Variants in AFF1 observed in about 807,000 individuals in gnomAD.
AFF1 encodes the protein ALF transcription elongation factor 1, also known as AF4/FMR2 family member 1.
AFF1 carries 48 observed loss-of-function variants against 121.7 expected under a neutral mutation model. The ratio of observed to expected loss-of-function variants is 0.39; its 90% confidence interval spans 0.31 to 0.50. The LOEUF is 0.50. Ranked by LOEUF, AFF1 falls within the 20% of genes least tolerant of loss-of-function variation. AFF1 has a pLI of 0.76. For missense variants in AFF1, 1,523 were observed against 1,511.7 expected, an observed-to-expected ratio of 1.01 and a Z score of -0.12; for synonymous variants, 613 against 563.0, an observed-to-expected ratio of 1.09 and a Z score of -1.26.
intron 2 of AFF1, among the ~76,000 whole-genome samples, chr4:87,042,635 G>A (rs1403396127): frequency 6.6e-6 from 1 of 152,182 alleles, no homozygotes; most frequent in Non-Finnish European, 1.5e-5. Context: ...AATTTGTCTC[G>A]AAATAGGTGT....
chr4:87,048,092 AAAC>A (rs1348339413), intron 4 of AFF1: 1 of 159,650 alleles, frequency 6.3e-6, no homozygotes, highest in African/African-American at 2.4e-5. Context: ...AAAAAAGTAA[AAAC>A]AAGATGACAG....
intron 12 of AFF1, among the ~76,000 whole-genome samples, chr4:87,116,135 A>T (rs964120600): frequency 1.3e-5 from 2 of 152,154 alleles, no homozygotes; most frequent in African/African-American, 4.8e-5. Flanking sequence ...AGTTACTAAC[A>T]TGTGGTTAGT....
At chr4:87,024,357 G>A (rs938977044) in intron 2 of AFF1, among the ~76,000 whole-genome samples, 5 of 152,172 alleles carry the variant, frequency 3.3e-5, no homozygotes, top group African/African-American at 1.2e-4. Flanking sequence ...GGGAAACATG[G>A]TATGTGTAAA....
At chr4:87,043,164 G>A (rs770906293) in intron 2 of AFF1, among the ~76,000 whole-genome samples, 5 of 152,298 alleles carry the variant, frequency 3.3e-5, no homozygotes, top group Admixed American at 6.5e-5. Context: ...CCTGTGAAGC[G>A]GAGCCTAAGG....
chr4:87,005,604 A>C (rs1441064911), intron 2 of AFF1, among the ~76,000 whole-genome samples: 3 of 152,218 alleles, frequency 2.0e-5, no homozygotes, highest in Non-Finnish European at 4.4e-5. Context: ...ATGAAAAAAA[A>C]GCTAGCTCAG....
In AFF1 at chr4:87,130,129, C is replaced by T. The variant is rs113769323; in HGVS notation, c.2965-954C>T. ...AGCTGGGATTACAGGCCTGCTACCA[C>T]ACCTGGCTAATTTTTATATTTTCAG... On this transcript the variant is annotated intron_variant, in intron 16 of 20. Transcript: ENST00000395146. Among the ~76,000 whole-genome samples the T allele has an allele frequency of 2.8e-3, 433 of 152,172 alleles. 4 individuals are homozygous for T. Among genetic ancestry groups the T allele is most frequent in the African/African-American group, 9.7e-3 (402 of 41,538 alleles).
At chr4:86,960,553 CT>C (rs1479615998) in intron 2 of AFF1, among the ~76,000 whole-genome samples, 1 of 152,108 alleles carries the variant, frequency 6.6e-6, no homozygotes, top group East Asian at 1.9e-4. Flanking sequence ...GATAGTATTT[CT>C]TTATATTTGT....
intron 2 of AFF1, among the ~76,000 whole-genome samples, chr4:86,965,440 CCTCTT>C (rs1390834686): frequency 6.6e-6 from 1 of 152,184 alleles, no homozygotes; most frequent in Non-Finnish European, 1.5e-5. Context: ...ACTTGCTAAG[CCTCTT>C]CTCTTATCCA....
chr4:86,939,841 A>G (rs1301658596), intron 1 of AFF1, among the ~76,000 whole-genome samples: 1 of 152,222 alleles, frequency 6.6e-6, no homozygotes, highest in Admixed American at 6.5e-5. Context: ...GTAATGCCCA[A>G]GAATTTGCAT....
intron 8 of AFF1, among the ~76,000 whole-genome samples, chr4:87,095,804 T>A (rs1185628189): frequency 1.3e-5 from 2 of 151,982 alleles, no homozygotes; most frequent in Non-Finnish European, 2.9e-5. Context: ...ATTGAACTCT[T>A]ACTACTTTAC....
chr4:87,040,534 A>G (rs769857176), intron 2 of AFF1, among the ~76,000 whole-genome samples: 6 of 149,636 alleles, frequency 4.0e-5, no homozygotes, highest in Non-Finnish European at 5.9e-5. Flanking sequence ...GTTCAGGTCT[A>G]CCATTTGTGA....
intron 2 of AFF1, among the ~76,000 whole-genome samples, chr4:86,986,607 TTG>T (rs1203443354): frequency 2.6e-5 from 4 of 151,638 alleles, no homozygotes; most frequent in African/African-American, 7.3e-5. Context: ...AAAAAAAAAA[TTG>T]TTTTTCCCCC....
intron 2 of AFF1, among the ~76,000 whole-genome samples, chr4:86,982,550 G>C (rs1183353684): frequency 6.6e-6 from 1 of 151,476 alleles, no homozygotes; most frequent in African/African-American, 2.4e-5. Flanking sequence ...TCATGAATGG[G>C]ATTAGTGCCC....
chr4:87,006,883 A>G (rs1471450649), intron 2 of AFF1: 4 of 882,214 alleles, frequency 4.5e-6, no homozygotes, highest in South Asian at 5.1e-5. Context: ...GCCTTTGGCT[A>G]GGGCCGCCGA....
chr4:86,974,391 G>A (rs903930214), intron 2 of AFF1, among the ~76,000 whole-genome samples: 5 of 152,052 alleles, frequency 3.3e-5, no homozygotes, highest in Admixed American at 3.3e-4. Context: ...CTCAGGATGC[G>A]CCTGCCTCGG....
chr4:87,035,775 A>G (rs903739704), intron 2 of AFF1, among the ~76,000 whole-genome samples: 1 of 152,226 alleles, frequency 6.6e-6, no homozygotes, highest in Non-Finnish European at 1.5e-5. Context: ...TGGATGCTTC[A>G]TAGATTTAAT....
At chr4:86,939,046 TACCGCGTAA>T (rs1720257714) in intron 1 of AFF1, among the ~76,000 whole-genome samples, 1 of 152,380 alleles carries the variant, frequency 6.6e-6, no homozygotes, top group Non-Finnish European at 1.5e-5. Flanking sequence ...TCATTCCTAA[TACCGCGTAA>T]GTATTGAGTA....
At chr4:87,065,668 G>A (rs1411523358) in intron 4 of AFF1, among the ~76,000 whole-genome samples, 1 of 152,194 alleles carries the variant, frequency 6.6e-6, no homozygotes, top group African/African-American at 2.4e-5. Context: ...ACTGGTTAAA[G>A]ATGGGGCAGT....
chr4:87,120,668 A>C (rs1278260892), intron 12 of AFF1, among the ~76,000 whole-genome samples: 1 of 152,206 alleles, frequency 6.6e-6, no homozygotes, highest in Non-Finnish European at 1.5e-5. Flanking sequence ...TTACCGCGTC[A>C]GCCCCGGCTT....
Sources: allele counts gnomAD v4.1 joint callset (sites outside exome capture counted in the v4.1 genomes callset), GRCh38; gene constraint gnomAD v4.1.1; transcripts MANE v1.5; gene names NCBI Gene and HGNC (gene_info 2026-07-23, HGNC 2026-07-21).